The following PIK3C2G variants were observed in gnomAD, a reference collection of about 807,000 sequenced individuals.
PIK3C2G encodes phosphatidylinositol 3-kinase C2 domain-containing subunit gamma.
A neutral mutation model predicts 181.1 loss-of-function variants in PIK3C2G; 168 were observed. The ratio of observed to expected loss-of-function variants is 0.93; its 90% CI spans 0.82 to 1.05. The LOEUF (loss-of-function observed/expected upper bound fraction) is 1.05. Among genes scored for constraint, PIK3C2G ranks in the 50% least tolerant of loss-of-function variants. The pLI, the probability that PIK3C2G is intolerant of heterozygous loss-of-function variation, is 0.00. For synonymous variants in PIK3C2G, 573 were observed against 592.2 expected, an observed-to-expected ratio of 0.97 and a Z score of 0.47; for missense variants, 1,869 against 1,732.8, an observed-to-expected ratio of 1.08 and a Z score of -1.40.
chr12:18,381,633 C>A (rs1942840325), intron 13 of PIK3C2G, 133 bp from the exon 14 acceptor site: 1 of 574,894 alleles, frequency 1.7e-6, no homozygotes, highest in Non-Finnish European at 3.2e-6. Context: ...TATCTCATTT[C>A]TTTTCTAGCA....
chr12:18,597,250 ACACTAATTT>A (rs1947417451), intron 30 of PIK3C2G, among the ~76,000 whole-genome samples: 2 of 152,060 alleles, frequency 1.3e-5, no homozygotes, highest in South Asian at 4.1e-4. Flanking sequence ...AAGATTGTGC[ACACTAATTT>A]CACCTTTATC....
chr12:18,367,818 T>C (rs1941749648), intron 12 of PIK3C2G, among the ~76,000 whole-genome samples: 1 of 151,688 alleles, frequency 6.6e-6, no homozygotes, highest in Admixed American at 6.6e-5. Flanking sequence ...TTGGTGGGAG[T>C]GCTGGGATTA....
chr12:18,667,346 A>G, the PIK3C2G span, among the ~76,000 whole-genome samples: 1 of 152,180 alleles, frequency 6.6e-6, no homozygotes, highest in African/African-American at 2.4e-5. Flanking sequence ...ACAGTCATCA[A>G]CTTTTAACTG....
At chr12:18,638,899 A>T (rs1418686627) in intron 31 of PIK3C2G, among the ~76,000 whole-genome samples, 6 of 151,396 alleles carry the variant, frequency 4.0e-5, no homozygotes, top group African/African-American at 1.5e-4. Context: ...AAAACAGATA[A>T]GACAGAGAGT....
chr12:18,314,103 A>G (rs754068999), intron 6 of PIK3C2G, 39 bp downstream of exon 6: 1 of 1,058,290 alleles, frequency 9.4e-7, no homozygotes, highest in Admixed American at 2.1e-5. Context: ...TGGCAAACTG[A>G]CAGTTTTAAG....
chr12:18,669,512 C>T, the PIK3C2G span, among the ~76,000 whole-genome samples: 1 of 152,160 alleles, frequency 6.6e-6, no homozygotes, highest in South Asian at 2.1e-4. Context: ...GCTTAAACAA[C>T]AGAAATTTAT....
intron 25 of PIK3C2G, among the ~76,000 whole-genome samples, chr12:18,540,635 T>C (rs895040519): frequency 1.4e-4 from 22 of 151,864 alleles, no homozygotes; most frequent in African/African-American, 5.3e-4. Context: ...TTAAAATAAT[T>C]TATCATTAAT....
intron 16 of PIK3C2G, among the ~76,000 whole-genome samples, chr12:18,408,642 A>T (rs1209513411): frequency 6.6e-6 from 1 of 152,168 alleles, no homozygotes; most frequent in East Asian, 1.9e-4. Flanking sequence ...AATGGGAGAA[A>T]ATTTTTGTAA....
At chr12:18,492,618 CTCAGCATT>C (rs1262346558) in intron 20 of PIK3C2G, among the ~76,000 whole-genome samples, 2 of 152,180 alleles carry the variant, frequency 1.3e-5, no homozygotes, top group Non-Finnish European at 2.9e-5. Context: ...TATGTAGGAA[CTCAGCATT>C]TCAAAGACAC....
chr12:18,526,234 G>A (rs938817823), intron 24 of PIK3C2G, among the ~76,000 whole-genome samples: 3 of 152,022 alleles, frequency 2.0e-5, no homozygotes, highest in African/African-American at 7.2e-5. Flanking sequence ...CCAAATGATA[G>A]GTAATAATAA....
At chr12:18,261,934 C>A (rs1948256022) in intron 1 of PIK3C2G, among the ~76,000 whole-genome samples, 1 of 152,006 alleles carries the variant, frequency 6.6e-6, no homozygotes. Flanking sequence ...TCATTCATGT[C>A]TACTGGTAGA....
intron 31 of PIK3C2G, among the ~76,000 whole-genome samples, chr12:18,634,857 G>A (rs1362280335): frequency 1.3e-5 from 2 of 152,148 alleles, no homozygotes; most frequent in Non-Finnish European, 2.9e-5. Flanking sequence ...CATGGGATGT[G>A]AATATCTTCA....
At chr12:18,610,967 A>G (rs1948301331) in intron 31 of PIK3C2G, among the ~76,000 whole-genome samples, 1 of 152,078 alleles carries the variant, frequency 6.6e-6, no homozygotes, top group Non-Finnish European at 1.5e-5. Flanking sequence ...CTGGGCATGT[A>G]AACCACACAG....
At chr12:18,462,393 A>G (rs1592321245) in intron 18 of PIK3C2G, among the ~76,000 whole-genome samples, 1 of 152,306 alleles carries the variant, frequency 6.6e-6, no homozygotes, top group East Asian at 1.9e-4. Flanking sequence ...CACCATACAA[A>G]AAAAAATGTG....
At position 18,275,879 on chromosome 12, in the gene PIK3C2G, C is replaced by T. The variant is rs537226388; in HGVS notation, c.-78-6125C>T. On this transcript the variant is annotated intron_variant, in intron 1 of 32. Coordinates refer to ENST00000538779, the MANE Select transcript of PIK3C2G (RefSeq NM_001288772.2). Reference sequence around the variant, plus strand: ...AATCTTACCCACTCACTTTGACACACTGAAATCTTCTTTTCCTAATGACAT... The same window carrying T: ...AATCTTACCCACTCACTTTGACACATTGAAATCTTCTTTTCCTAATGACAT... 4.2e-4 allele frequency among the ~76,000 whole-genome samples: 64 copies of T among 152,304 alleles called. No homozygotes were observed. The East Asian group carries it at 0.012, about 29-fold the overall frequency.
chr12:18,597,744 A>T (rs1947455937), intron 30 of PIK3C2G, among the ~76,000 whole-genome samples: 1 of 151,892 alleles, frequency 6.6e-6, no homozygotes, highest in African/African-American at 2.4e-5. Context: ...TATATCTAGA[A>T]AACCCCATTG....
chr12:18,695,590 C>A, the PIK3C2G span, among the ~76,000 whole-genome samples: 1 of 152,064 alleles, frequency 6.6e-6, no homozygotes, highest in Non-Finnish European at 1.5e-5. Flanking sequence ...ACCCTCCACC[C>A]AGCCCCAATA....
At chr12:18,444,558 C>T (rs576798247) in intron 18 of PIK3C2G, among the ~76,000 whole-genome samples, 12 of 152,072 alleles carry the variant, frequency 7.9e-5, no homozygotes, top group African/African-American at 2.9e-4. Flanking sequence ...CTGTAGAATG[C>T]GGATAATAGT....
At chr12:18,460,587 A>G (rs557302572) in intron 18 of PIK3C2G, among the ~76,000 whole-genome samples, 1 of 147,378 alleles carries the variant, frequency 6.8e-6, no homozygotes, top group African/African-American at 2.5e-5. Flanking sequence ...AAATAAATAA[A>G]TAAATAAATA....
Sources: gnomAD v4.1 joint callset for allele counts (sites outside exome capture counted in the v4.1 genomes callset) on GRCh38, gnomAD v4.1.1 for gene constraint, MANE v1.5 for transcripts, NCBI Gene and HGNC (gene_info 2026-07-23, HGNC 2026-07-21) for gene names.